Variants in THSD7B observed in about 807,000 individuals in gnomAD.
THSD7B encodes thrombospondin type 1 domain containing 7B.
Under a neutral mutation model 213.6 loss-of-function variants are expected in THSD7B, and 138 were observed. That is an observed-to-expected ratio of 0.65 (90% CI 0.56 to 0.74). The LOEUF is 0.74. THSD7B is among the 30% of genes least tolerant of loss of function. THSD7B has a pLI of 0.00. For synonymous variants in THSD7B, 742 were observed against 687.0 expected, an observed-to-expected ratio of 1.08 and a Z score of -1.25; for missense variants, 1,931 against 1,991.5, an observed-to-expected ratio of 0.97 and a Z score of 0.58.
chr2:136,912,604 C>T (rs1007991546), intron 2 of THSD7B, among the ~76,000 whole-genome samples: 3 of 152,122 alleles, frequency 2.0e-5, no homozygotes, highest in African/African-American at 4.8e-5. Flanking sequence ...AGAATTCCCA[C>T]GTGTTGTAGG....
At chr2:137,127,310 G>A (rs912779074) in intron 5 of THSD7B, among the ~76,000 whole-genome samples, 4 of 152,208 alleles carry the variant, frequency 2.6e-5, no homozygotes, top group Admixed American at 6.5e-5. Flanking sequence ...ATACCACAAC[G>A]TGATTCCAAT....
At chr2:137,337,183 C>T (rs1487969370) in intron 12 of THSD7B, among the ~76,000 whole-genome samples, 3 of 152,008 alleles carry the variant, frequency 2.0e-5, no homozygotes, top group African/African-American at 7.2e-5. Context: ...ATTCAGATTT[C>T]ACCAATTATC....
At chr2:137,226,658 G>C (rs1037452763) in intron 7 of THSD7B, among the ~76,000 whole-genome samples, 1 of 151,658 alleles carries the variant, frequency 6.6e-6, no homozygotes, top group Non-Finnish European at 1.5e-5. Flanking sequence ...CTATTCATCT[G>C]GCTATCTATG....
intron 2 of THSD7B, among the ~76,000 whole-genome samples, chr2:136,999,767 A>C (rs753689429): frequency 2.3e-4 from 35 of 152,082 alleles, no homozygotes; most frequent in Non-Finnish European, 1.5e-5. Context: ...TGTCTGACTA[A>C]AGCCCAGCTG....
At chr2:137,615,705 T>C (rs1416414334) in intron 17 of THSD7B, among the ~76,000 whole-genome samples, 2 of 152,196 alleles carry the variant, frequency 1.3e-5, no homozygotes. Flanking sequence ...TATAATTCCT[T>C]TTCTATATCT....
chr2:137,493,122 CAAAAA>C (rs376770053), intron 15 of THSD7B, among the ~76,000 whole-genome samples: 3 of 44,204 alleles, frequency 6.8e-5, no homozygotes, highest in Non-Finnish European at 1.1e-4. Flanking sequence ...CTCTCTCTCT[CAAAAA>C]AAAAAAAAAA....
intron 2 of THSD7B, among the ~76,000 whole-genome samples, chr2:136,998,337 T>A (rs997250677): frequency 6.6e-6 from 1 of 151,226 alleles, no homozygotes; most frequent in African/African-American, 2.4e-5. Context: ...AAATCTAAGG[T>A]TTTTTTCCCT....
chr2:137,470,623 G>T (rs116526568), intron 15 of THSD7B, among the ~76,000 whole-genome samples: 2 of 152,188 alleles, frequency 1.3e-5, no homozygotes, highest in East Asian at 1.9e-4. Context: ...AGCCCAAACC[G>T]TTGTAAGCTA....
At chr2:137,602,188 G>T (rs1479015015) in intron 17 of THSD7B, among the ~76,000 whole-genome samples, 1 of 152,096 alleles carries the variant, frequency 6.6e-6, no homozygotes, top group African/African-American at 2.4e-5. Context: ...CTGTTTTGTG[G>T]TGTTATAGCA....
chr2:137,159,404 G>T (rs1679968817), intron 5 of THSD7B, among the ~76,000 whole-genome samples: 1 of 151,422 alleles, frequency 6.6e-6, no homozygotes, highest in East Asian at 1.9e-4. Context: ...CTCCAGCCTG[G>T]GTGACAGGGT....
intron 12 of THSD7B, among the ~76,000 whole-genome samples, chr2:137,288,190 C>A (rs1359728102): frequency 1.3e-5 from 2 of 152,056 alleles, no homozygotes; most frequent in Non-Finnish European, 2.9e-5. Context: ...GCTCTAGAGG[C>A]TCTAAAAACT....
At chr2:137,622,120 A>G (rs994415516) in intron 20 of THSD7B, among the ~76,000 whole-genome samples, 2 of 152,162 alleles carry the variant, frequency 1.3e-5, no homozygotes, top group African/African-American at 4.8e-5. Flanking sequence ...ATCGTCCAAG[A>G]CCATCACAAA....
chr2:137,046,115 A>T (rs1303497077), intron 2 of THSD7B, among the ~76,000 whole-genome samples: 1 of 152,064 alleles, frequency 6.6e-6, no homozygotes, highest in African/African-American at 2.4e-5. Context: ...GCTGCCTATG[A>T]TGCTACTTGT....
intron 12 of THSD7B, among the ~76,000 whole-genome samples, chr2:137,354,173 C>T (rs2104925138): frequency 6.6e-6 from 1 of 151,940 alleles, no homozygotes; most frequent in African/African-American, 2.4e-5. Context: ...TTGTCTTTCC[C>T]GTGAACTTAT....
At chr2:137,072,086 G>A (rs1008846151) in intron 3 of THSD7B, among the ~76,000 whole-genome samples, 6 of 152,144 alleles carry the variant, frequency 3.9e-5, no homozygotes, top group Admixed American at 6.6e-5. Flanking sequence ...ACTTGGCGAT[G>A]CAGGCTCTTT....
intron 2 of THSD7B, among the ~76,000 whole-genome samples, chr2:136,916,215 T>A (rs1278699629): frequency 6.6e-6 from 1 of 152,172 alleles, no homozygotes; most frequent in Non-Finnish European, 1.5e-5. Context: ...GTCATGAGAA[T>A]GTGTTGGTTA....
intron 3 of THSD7B, among the ~76,000 whole-genome samples, chr2:137,084,263 T>A (rs990027616): frequency 3.3e-5 from 5 of 152,076 alleles, no homozygotes; most frequent in Admixed American, 6.6e-5. Flanking sequence ...GACAGTGAAA[T>A]AATAAAAGAG....
intron 1 of THSD7B, among the ~76,000 whole-genome samples, chr2:136,876,700 A>T (rs181862516): frequency 6.6e-6 from 1 of 152,320 alleles, no homozygotes; most frequent in Admixed American, 6.5e-5. Context: ...ATGTGCATAA[A>T]AATGTCTCAT....
At chr2:137,636,860 G>GT (rs1168155629) in intron 20 of THSD7B, among the ~76,000 whole-genome samples, 2 of 152,232 alleles carry the variant, frequency 1.3e-5, no homozygotes, top group Non-Finnish European at 2.9e-5. Flanking sequence ...AACTTTCTGT[G>GT]TTTTTTCTAT....
Sources: gnomAD v4.1 joint callset for allele counts (sites outside exome capture counted in the v4.1 genomes callset) on GRCh38, gnomAD v4.1.1 for gene constraint, MANE v1.5 for transcripts, NCBI Gene and HGNC (gene_info 2026-07-23, HGNC 2026-07-21) for gene names.